The following LRRK1 variants were observed in gnomAD, a reference collection of about 807,000 sequenced individuals.
LRRK1 encodes leucine-rich repeat serine/threonine-protein kinase 1.
Under a neutral mutation model 209.1 loss-of-function variants are expected in LRRK1, and 113 were observed. That is an observed-to-expected ratio of 0.54 (90% CI 0.46 to 0.63). LRRK1 has a LOEUF of 0.63. Ranked by LOEUF, LRRK1 falls within the 30% of genes least tolerant of loss-of-function variation. The pLI, the probability that LRRK1 is intolerant of heterozygous loss-of-function variation, is 0.00. For synonymous variants in LRRK1, 1,144 were observed against 1,099.7 expected (o/e 1.04, Z -0.80); for missense variants, 2,284 against 2,632.2 (o/e 0.87, Z 2.89).
At chr15:100,964,822 A>G (rs999146229) in intron 2 of LRRK1, among the ~76,000 whole-genome samples, 1 of 151,260 alleles carries the variant, frequency 6.6e-6, no homozygotes, top group Non-Finnish European at 1.5e-5. Flanking sequence ...GCACACACAC[A>G]TGAGGCCAAC....
At chr15:101,016,701 C>A (rs1390412067) in intron 12 of LRRK1, among the ~76,000 whole-genome samples, 2 of 152,206 alleles carry the variant, frequency 1.3e-5, no homozygotes, top group Non-Finnish European at 2.9e-5. Context: ...TTCTCAGTAG[C>A]AGAGCCAGGT....
chr15:100,937,968 A>G (rs2042333266), intron 2 of LRRK1, among the ~76,000 whole-genome samples: 1 of 146,562 alleles, frequency 6.8e-6, no homozygotes, highest in South Asian at 2.2e-4. Context: ...CTCCTACCTC[A>G]TCCTCCTAAG....
At chr15:101,062,148 G>T (rs1164759517) in intron 30 of LRRK1, among the ~76,000 whole-genome samples, 3 of 152,174 alleles carry the variant, frequency 2.0e-5, no homozygotes, top group African/African-American at 7.2e-5. Context: ...TGTTGCATGG[G>T]AAGAACAGTG....
At chr15:100,944,949 T>C (rs144028012) in intron 2 of LRRK1, among the ~76,000 whole-genome samples, 370 of 152,320 alleles carry the variant, frequency 2.4e-3, no homozygotes, top group Non-Finnish European at 4.5e-3. Context: ...TTACACAAAA[T>C]GTAGCTGATC....
In LRRK1 at chr15:101,057,990, C is replaced by G. The variant is rs1378059560; in HGVS notation, c.4528C>G (p.Arg1510Gly). The change falls in exon 29 of 34, where the codon CGA (arginine) becomes GGA (glycine). Residue 1510 changes from arginine (R) to glycine (G), a missense_variant and splice_region_variant. By Grantham distance (125) the Arg-to-Gly change is moderately radical. Around this residue, in one of 6 missense-constraint regions of LRRK1, gnomAD observed 643 missense variants for 695.9 expected, o/e 0.92. Coordinates refer to ENST00000388948, the MANE Select transcript of LRRK1 (RefSeq NM_024652.6). ...MECWDTKPEK[R>G]PLALSVVSQM... is the part of the protein sequence containing the mutation. ...TCTTCTGGTGGCTTCTCTCCCTCAG[C>G]GACCGCTGGCCCTGTCGGTGGTGAG... is the stretch of plus-strand genomic sequence containing the variant. 6.2e-7 allele frequency: 1 copy of G among 1,613,894 alleles called. No homozygotes were observed. The highest frequency in any genetic ancestry group is 1.1e-5 in the South Asian group (1 of 91,072).
At chr15:101,037,724 C>T (rs983953142) in intron 20 of LRRK1, among the ~76,000 whole-genome samples, 2 of 152,182 alleles carry the variant, frequency 1.3e-5, no homozygotes, top group Admixed American at 1.3e-4. Context: ...TAGCAGCCCA[C>T]ATTTCTCTTG....
intron 26 of LRRK1, among the ~76,000 whole-genome samples, chr15:101,053,899 A>G (rs2035636322): frequency 6.6e-6 from 1 of 152,254 alleles, no homozygotes; most frequent in Non-Finnish European, 1.5e-5. Flanking sequence ...GGTGAAAGGT[A>G]GCTGTCTTTT....
chr15:101,061,338 G>C (rs1442090457), intron 30 of LRRK1, 50 bp downstream of exon 30: 3 of 1,319,788 alleles, frequency 2.3e-6, no homozygotes, highest in South Asian at 1.2e-5. Flanking sequence ...TGCCCACTGG[G>C]TGCAGCCCTG....
At chr15:101,063,390 C>T (rs1331767134) in intron 31 of LRRK1, among the ~76,000 whole-genome samples, 1 of 152,204 alleles carries the variant, frequency 6.6e-6, no homozygotes, top group East Asian at 1.9e-4. Flanking sequence ...CAGGAACAGC[C>T]CCTCCACGCA....
Position 101,068,728 on chromosome 15 carries a change from TGAA to T in LRRK1, c.5929_5931del (p.Glu1977del). The T allele has an allele frequency of 6.2e-7, 1 of 1,613,524 alleles. No homozygotes were observed. Among genetic ancestry groups the T allele is most frequent in the Non-Finnish European group, 8.5e-7 (1 of 1,179,682 alleles). On this transcript the variant is annotated inframe_deletion, in exon 34 of 34. Coordinates refer to ENST00000388948, the MANE Select transcript of LRRK1 (RefSeq NM_024652.6). Reference sequence around the variant, plus strand: ...ACACTGTTGTGTGCACCTTTGAAAATGAAAACACAGAGTGGTGCCTGGCCGTCT... The same window carrying T: ...ACACTGTTGTGTGCACCTTTGAAAATAACACAGAGTGGTGCCTGGCCGTCT...
chr15:101,049,844 G>T, intron 23 of LRRK1, 61 bp downstream of exon 23: 2 of 1,544,722 alleles, frequency 1.3e-6, no homozygotes. Flanking sequence ...GAATCAGGGT[G>T]GGGCTGCTGC....
chr15:100,943,317 C>T (rs2042477817), intron 2 of LRRK1, among the ~76,000 whole-genome samples: 2 of 152,202 alleles, frequency 1.3e-5, no homozygotes, highest in South Asian at 4.1e-4. Flanking sequence ...GTCACTGACT[C>T]TCTGGGGACC....
intron 9 of LRRK1, 152 bp from the exon 10 acceptor site, chr15:101,011,856 T>G (rs1596270812): frequency 6.2e-6 from 4 of 640,784 alleles, no homozygotes; most frequent in Non-Finnish European, 8.1e-6. Flanking sequence ...ACAGTGAGGG[T>G]GTGCAGCCTT....
At chr15:101,026,189 G>C in intron 17 of LRRK1, 52 bp downstream of exon 17, 1 of 1,560,564 alleles carries the variant, frequency 6.4e-7, no homozygotes, top group East Asian at 2.3e-5. Context: ...GCCAGTCGCT[G>C]ATCTTTCCTG....
rs1206542685 is a variant in LRRK1 at position 101,027,601 on chromosome 15, G to A, written c.2527-37G>A. 1 of 1,598,462 alleles carries A rather than the reference G, an allele frequency of 6.3e-7. No individual in the cohort carries two copies. Among genetic ancestry groups the A allele is most frequent in the Non-Finnish European group, 8.5e-7 (1 of 1,173,892 alleles). ...GCCCAAGCTGGCAGGTGTGCCTTGG[G>A]ACCTGAGAGACCCTGCCTCGCCCAA... On this transcript the variant is annotated intron_variant, in intron 18 of 33. Coordinates refer to ENST00000388948, the MANE Select transcript of LRRK1 (RefSeq NM_024652.6). The surrounding 1 kb of genome is among the most constrained non-coding windows in gnomAD (Gnocchi z 5.1).
At chr15:100,950,866 G>A (rs574797550) in intron 2 of LRRK1, among the ~76,000 whole-genome samples, 31 of 152,388 alleles carry the variant, frequency 2.0e-4, no homozygotes, top group Non-Finnish European at 2.8e-4. Flanking sequence ...CACTTTGGGA[G>A]GCCAAGGCGG....
chr15:100,971,757 A>G (rs1189957783), intron 2 of LRRK1, among the ~76,000 whole-genome samples: 6 of 151,762 alleles, frequency 4.0e-5, no homozygotes, highest in Non-Finnish European at 2.9e-5. Flanking sequence ...CCTTTAACCC[A>G]CTTCTGTTCG....
At chr15:100,940,976 C>G (rs571932268) in intron 2 of LRRK1, among the ~76,000 whole-genome samples, 3 of 152,332 alleles carry the variant, frequency 2.0e-5, no homozygotes, top group East Asian at 3.9e-4. Flanking sequence ...GTCAGCTGCT[C>G]ACTTCCTCCT....
At chr15:101,043,856 G>A (rs1245096771) in intron 20 of LRRK1, 1 of 152,184 alleles carries the variant, frequency 6.6e-6, no homozygotes, top group East Asian at 1.9e-4. Flanking sequence ...AACAGTAGCA[G>A]GCATGTCCCA....
Sources: gnomAD v4.1 joint callset for allele counts (sites outside exome capture counted in the v4.1 genomes callset) on GRCh38, gnomAD v4.1.1 for gene constraint, gnomAD v4.1.1 regional missense constraint, Gnocchi (gnomAD v3.1) non-coding constraint, MANE v1.5 for transcripts, NCBI Gene and HGNC (gene_info 2026-07-23, HGNC 2026-07-21) for gene names.